IGF2: variants seen among roughly 807,000 people sequenced by gnomAD.
IGF2 encodes the protein insulin like growth factor 2.
A neutral mutation model predicts 12.0 loss-of-function variants in IGF2; 2 were observed. The ratio of observed to expected loss-of-function variants is 0.17; its 90% CI spans 0.07 to 0.52. IGF2 has a LOEUF of 0.52. Among genes scored for constraint, IGF2 ranks in the 20% least tolerant of loss-of-function variants. The pLI is 0.95. For synonymous variants in IGF2, 105 were observed against 110.1 expected, an observed-to-expected ratio of 0.95 and a Z score of 0.29; for missense variants, 211 against 268.0, an observed-to-expected ratio of 0.79 and a Z score of 1.48.
chr11:2,139,872 C>T (rs376762537), upstream of IGF2, among the ~76,000 whole-genome samples: 1 of 151,884 alleles, frequency 6.6e-6, no homozygotes, highest in African/African-American at 2.4e-5. Flanking sequence ...CTGGTTGTTG[C>T]GGCTGAGGGG....
rs1292477032 is a variant in IGF2, at chr11:2,131,644, A to C, written c.*1343T>G. The C allele has an allele frequency of 1.9e-5, 3 of 159,520 alleles. No homozygotes were observed. Among genetic ancestry groups the C allele is most frequent in the African/African-American group, 3.9e-5 (1 of 25,628 alleles). The allele number at this position is 159,520 out of a possible 1,614,324, so 9.9% of individuals were successfully genotyped here. A position where few individuals can be genotyped will look rare whatever the true frequency, so the allele number is the denominator to read the frequency against. ...CATGTGTGTGCTGTGTGCTGTGTTCATGTGTGTGCTGTGTGTGCGTGTGCT... is the reference window on the plus strand; with the variant it reads ...CATGTGTGTGCTGTGTGCTGTGTTCCTGTGTGTGCTGTGTGTGCGTGTGCT... On this transcript the variant is annotated 3_prime_UTR_variant, in exon 4 of 4. Coordinates refer to ENST00000416167, the MANE Select transcript of IGF2 (RefSeq NM_000612.6).
rs1590113229 is a variant in IGF2, at chr11:2,132,720, T to A, written c.*267A>T. ...TTTTATGTGTGGGGATAATTGGGGATAATTTGGGGGGAGGGTATGTGAAGG... is the reference window on the plus strand; with the variant it reads ...TTTTATGTGTGGGGATAATTGGGGAAAATTTGGGGGGAGGGTATGTGAAGG... On this transcript the variant is annotated 3_prime_UTR_variant, in exon 4 of 4. Transcript: ENST00000416167. 2.1e-5 allele frequency: 6 copies of A among 292,634 alleles called. No individual in the cohort carries two copies. In the East Asian group the frequency reaches 3.3e-4, roughly 16 times the overall value. 18.1% of individuals were successfully genotyped at this position (292,634 alleles called of 1,614,324 possible).
At chr11:2,145,240 G>A (rs1414271988), upstream of IGF2, among the ~76,000 whole-genome samples, 1 of 152,216 alleles carries the variant, frequency 6.6e-6, no homozygotes, top group Non-Finnish European at 1.5e-5. Flanking sequence ...GGAGCCTCCA[G>A]CAGAGAACCC....
intron 2 of IGF2, chr11:2,134,341 G>A: frequency 2.9e-6 from 1 of 342,962 alleles, no homozygotes; most frequent in Admixed American, 5.2e-5. Flanking sequence ...GTGGGGGCTT[G>A]GCCCTCCCCT....
At chr11:2,144,387 C>G (rs889200817), upstream of IGF2, among the ~76,000 whole-genome samples, 2 of 152,218 alleles carry the variant, frequency 1.3e-5, no homozygotes, top group African/African-American at 2.4e-5. Flanking sequence ...CCGGAGCACC[C>G]CCGGTGGCCA....
intron 1 of IGF2, among the ~76,000 whole-genome samples, chr11:2,137,941 C>T (rs1235485080): frequency 4.6e-5 from 7 of 152,200 alleles, no homozygotes; most frequent in African/African-American, 1.7e-4. Flanking sequence ...CACCCACAGA[C>T]CGACCGGGAA....
the IGF2 span, chr11:2,147,797 C>A: frequency 8.0e-7 from 1 of 1,248,018 alleles, no homozygotes; most frequent in South Asian, 4.1e-5. This position sits in a 1 kb window ranked among gnomAD's most constrained non-coding sequence, Gnocchi z 7.2. Context: ...TCGGTGGTGA[C>A]TCTTCGGCCC....
rs529224313 is a variant in IGF2, at chr11:2,130,266, C to G, written c.*2721G>C. ...CTGAGGAGACCCTGCCCAACCCCCCCCTCCGCCCTCAGGACTTCTGGGGAC... is the reference window on the plus strand; with the variant it reads ...CTGAGGAGACCCTGCCCAACCCCCCGCTCCGCCCTCAGGACTTCTGGGGAC... On this transcript the variant is annotated 3_prime_UTR_variant, in exon 4 of 4. Transcript: ENST00000416167. 4.1e-4 allele frequency: 94 copies of G among 230,684 alleles called. No individual in the cohort carries two copies. The highest frequency in any genetic ancestry group is 1.3e-3 in the Middle Eastern group (1 of 764). 14.3% of individuals were successfully genotyped at this position (230,684 alleles called of 1,614,324 possible).
At position 2,131,091 on chromosome 11, in the gene IGF2, C is replaced by T. The variant is rs369965474; in HGVS notation, c.*1896G>A. On this transcript the variant is annotated 3_prime_UTR_variant, in exon 4 of 4. Coordinates refer to ENST00000416167, the MANE Select transcript of IGF2 (RefSeq NM_000612.6). ...GGGGTATGGGGAGCATCGTGGCTCA[C>T]GCTGCGGGGGCCGTGGGGACAGGCG... is the stretch of plus-strand genomic sequence containing the variant. 210 of 232,520 alleles carry T rather than the reference C, an allele frequency of 9.0e-4. No individual in the cohort carries two copies. The highest frequency in any genetic ancestry group is 4.3e-3 in the African/African-American group (194 of 45,086). The allele number at this position is 232,520 out of a possible 1,614,324, so 14.4% of individuals were successfully genotyped here.
At chr11:2,143,543 AG>A (rs1299823764), upstream of IGF2, among the ~76,000 whole-genome samples, 5 of 152,116 alleles carry the variant, frequency 3.3e-5, no homozygotes, top group Non-Finnish European at 5.9e-5. Flanking sequence ...CCACGGACCA[AG>A]GGCTTCGTCT....
chr11:2,145,861 T>A (rs1006625866), upstream of IGF2, among the ~76,000 whole-genome samples: 5 of 152,096 alleles, frequency 3.3e-5, no homozygotes, highest in Admixed American at 3.3e-4. Context: ...CCGGCTCCCC[T>A]CTAGTCAAGA....
At chr11:2,140,466 G>T (rs1201422633), upstream of IGF2, 11 of 519,694 alleles carry the variant, frequency 2.1e-5, no homozygotes, top group Non-Finnish European at 3.1e-5. Context: ...CCCTCGCTCC[G>T]CCATCAATCA....
the IGF2 span, chr11:2,149,398 G>T: frequency 6.8e-7 from 1 of 1,480,810 alleles, no homozygotes; most frequent in Non-Finnish European, 9.3e-7. Context: ...GGCCCCTACA[G>T]ATGGGAGAGC....
In IGF2 at chr11:2,138,787, GGCCAGAC is replaced by G; in HGVS notation, c.-572_-566del. The stretch of plus-strand genomic sequence containing the variant: ...TTGCGGGAGAAAGAGCGGGGGCCGG[GGCCAGAC>G]GCCAAGAGGGGCGCGGGGAGCACAG... On this transcript the variant is annotated 5_prime_UTR_variant, in exon 1 of 4. Transcript: ENST00000416167. 1 of 953,324 alleles carries G rather than the reference GGCCAGAC, an allele frequency of 1.0e-6. No individual in the cohort carries two copies. Among genetic ancestry groups the G allele is most frequent in the Non-Finnish European group, 1.2e-6 (1 of 801,760 alleles). The allele number at this position is 953,324 out of a possible 1,614,324, so 59.1% of individuals were successfully genotyped here.
At chr11:2,142,903 T>C (rs573401917), upstream of IGF2, among the ~76,000 whole-genome samples, 1 of 152,272 alleles carries the variant, frequency 6.6e-6, no homozygotes, top group South Asian at 2.1e-4. The surrounding 1 kb of genome is among the most constrained non-coding windows in gnomAD (Gnocchi z 5.7). Context: ...GGGTCACACT[T>C]GAGCACCTCC....
chr11:2,134,337 G>T, intron 2 of IGF2: 1 of 345,810 alleles, frequency 2.9e-6, no homozygotes, highest in Non-Finnish European at 5.8e-6. Context: ...CCAAGTGGGG[G>T]CTTGGCCCTC....
upstream of IGF2, chr11:2,140,218 C>T (rs1859465225): frequency 1.2e-6 from 2 of 1,613,290 alleles, no homozygotes; most frequent in Admixed American, 1.7e-5. Flanking sequence ...GTTACCCCGT[C>T]CTCAGTGCGT....
In IGF2 at chr11:2,133,020, G is replaced by A. The variant is rs138399775; in HGVS notation, c.510C>T (p.Gly170=). 18 of 1,551,742 alleles carry A rather than the reference G, an allele frequency of 1.2e-5. No homozygotes were observed. The highest frequency in any genetic ancestry group is 8.3e-5 in the African/African-American group (6 of 72,434). The change falls in exon 4 of 4, where the codon GGC becomes GGT. Residue 170 remains glycine, a synonymous_variant. Transcript: ENST00000416167. The surrounding 1 kb of genome is among the most constrained non-coding windows in gnomAD (Gnocchi z 8.9). The stretch of plus-strand genomic sequence containing the variant: ...GATTGCTGGCCATCTCTGGGGGGGC[G>A]CCCCCGTGGGCGGGGTCTTGGGTGG... ...ALPTQDPAHG[G]APPEMASNRK
rs1413439001 is a variant in IGF2, at chr11:2,137,598, G to A, written c.-7+631C>T. The stretch of plus-strand genomic sequence containing the variant: ...ACGCTGCCCACTGGGCAGGGGCCGC[G>A]GCCTCTCTCCGGGTCGAAGGCTCTG... On this transcript the variant is annotated intron_variant, in intron 1 of 3. Coordinates refer to ENST00000416167, the MANE Select transcript of IGF2 (RefSeq NM_000612.6). 2.0e-5 allele frequency among the ~76,000 whole-genome samples: 3 copies of A among 151,960 alleles called. No individual in the cohort carries two copies. In the South Asian group the frequency reaches 6.2e-4, roughly 32 times the overall value.
Sources: allele counts gnomAD v4.1 joint callset (sites outside exome capture counted in the v4.1 genomes callset), GRCh38; gene constraint gnomAD v4.1.1; non-coding constraint Gnocchi (gnomAD v3.1); transcripts MANE v1.5; gene names NCBI Gene and HGNC (gene_info 2026-07-23, HGNC 2026-07-21).